The following SORCS2 variants were observed in gnomAD, a reference collection of about 807,000 sequenced individuals.
SORCS2 encodes VPS10 domain-containing receptor SorCS2.
A neutral mutation model predicts 141.6 loss-of-function variants in SORCS2; 100 were observed. That is an observed-to-expected ratio of 0.71 (90% confidence interval 0.60 to 0.83). The LOEUF is 0.83. Ranked by LOEUF, SORCS2 falls within the 40% of genes least tolerant of loss-of-function variation. The probability of loss-of-function intolerance (pLI) is 0.00; values close to 1 mark genes in which losing one functional copy is unlikely to be tolerated. For missense variants in SORCS2, 1,646 were observed against 1,560.2 expected (o/e 1.05, Z -0.93); for synonymous variants, 789 against 676.9 (o/e 1.17, Z -2.57).
rs371719399 is a variant in SORCS2 at position 7,664,364 on chromosome 4, G to A, written c.964G>A (p.Val322Ile). The A allele has an allele frequency of 8.1e-6, 13 of 1,613,458 alleles. No individual in the cohort carries two copies. Among genetic ancestry groups the A allele is most frequent in the Admixed American group, 5.0e-5 (3 of 59,984 alleles). Residue 322 changes from valine to isoleucine, a missense_variant, in exon 7 of 27, where the codon GTC becomes ATC. By Grantham distance (29) the Val-to-Ile change is conservative. Transcript: ENST00000507866. This position sits in a 1 kb window ranked among gnomAD's most constrained non-coding sequence, Gnocchi z 4.7. ...AQDLGGDFRY[V>I]TCAIHNCSEK... is the part of the protein sequence containing the mutation. Reference sequence around the variant, plus strand: ...CCTCTCTCCTGTAGATTTTCGGTACGTCACCTGCGCAATCCACAATTGCTC... The same window carrying A: ...CCTCTCTCCTGTAGATTTTCGGTACATCACCTGCGCAATCCACAATTGCTC...
chr4:7,511,489 G>A lies in SORCS2; in HGVS notation c.549-20041G>A, dbSNP rs79449056. Among the ~76,000 whole-genome samples, 496 of 149,788 alleles carry A rather than the reference G, an allele frequency of 3.3e-3. 5 individuals are homozygous for A. The East Asian group carries it at 0.054, about 16-fold the overall frequency. On this transcript the variant is annotated intron_variant, in intron 2 of 26. Coordinates refer to ENST00000507866, the MANE Select transcript of SORCS2 (RefSeq NM_020777.3). ...ACACACAACTTGGGGGAGGGGGGGT[G>A]GAGAGAGAGACAGAGAAACAGAGAA...
intron 4 of SORCS2, among the ~76,000 whole-genome samples, chr4:7,641,794 ATGGATGGAT>A (rs1291256970): frequency 1.0e-5 from 1 of 95,772 alleles, no homozygotes; most frequent in African/African-American, 3.2e-5. Context: ...GGATGGATGG[ATGGATGGAT>A]GGATGGATGG....
At chr4:7,586,261 G>A (rs1321027273) in intron 3 of SORCS2, among the ~76,000 whole-genome samples, 1 of 152,038 alleles carries the variant, frequency 6.6e-6, no homozygotes, top group Non-Finnish European at 1.5e-5. Context: ...TGTCTGTCTG[G>A]TCCCTGATTC....
chr4:7,462,763 C>T (rs1393162555), intron 2 of SORCS2, among the ~76,000 whole-genome samples: 11 of 151,318 alleles, frequency 7.3e-5, no homozygotes, highest in Admixed American at 5.9e-4. Context: ...CGGAAGAAGC[C>T]GGTGCACACT....
chr4:7,494,139 C>T lies in SORCS2; in HGVS notation c.549-37391C>T, dbSNP rs561757309. Reference sequence around the variant, plus strand: ...TATTTCTATAGCTGAGATCTTATTCCGAATATAGTTCGTATCTTTTGTACA... The same window carrying T: ...TATTTCTATAGCTGAGATCTTATTCTGAATATAGTTCGTATCTTTTGTACA... On this transcript the variant is annotated intron_variant, in intron 2 of 26. Coordinates refer to ENST00000507866, the MANE Select transcript of SORCS2 (RefSeq NM_020777.3). Among the ~76,000 whole-genome samples the T allele has an allele frequency of 1.8e-4, 27 of 152,272 alleles. 1 individual carries two copies. The East Asian group carries it at 4.4e-3, about 25-fold the overall frequency.
At chr4:7,561,920 T>TAACTATCCATCC (rs1299289065) in intron 3 of SORCS2, among the ~76,000 whole-genome samples, 1 of 152,160 alleles carries the variant, frequency 6.6e-6, no homozygotes, top group Non-Finnish European at 1.5e-5. Flanking sequence ...TGCATCCATC[T>TAACTATCCATCC]ACCTATCCAT....
chr4:7,243,830 A>G (rs1329721851), intron 1 of SORCS2, among the ~76,000 whole-genome samples: 2 of 152,224 alleles, frequency 1.3e-5, no homozygotes, highest in Non-Finnish European at 2.9e-5. Flanking sequence ...CCTCTGGGTC[A>G]GCACCTCACC....
intron 8 of SORCS2, among the ~76,000 whole-genome samples, chr4:7,668,533 A>G (rs1231840710): frequency 6.6e-6 from 1 of 152,092 alleles, no homozygotes; most frequent in Non-Finnish European, 1.5e-5. Context: ...GCTTAATGTA[A>G]AGTGCTTGCA....
Position 7,729,483 on chromosome 4 carries a change from A to G in SORCS2, c.2983-104A>G. On this transcript the variant is annotated intron_variant, in intron 22 of 26. Coordinates refer to ENST00000507866, the MANE Select transcript of SORCS2 (RefSeq NM_020777.3). ...AGGGGTCAGGAACGGCCTGTGAGAC[A>G]GGTGTACAGGCCAAGAAGGGAGAGA... 7 of 1,403,080 alleles carry G rather than the reference A, an allele frequency of 5.0e-6. No individual in the cohort carries two copies. The South Asian group carries it at 8.3e-5, about 17-fold the overall frequency. The allele number at this position is 1,403,080 out of a possible 1,614,324, so 86.9% of individuals were successfully genotyped here. A position where few individuals can be genotyped will look rare whatever the true frequency, so the allele number is the denominator to read the frequency against.
chr4:7,320,477 G>C lies in SORCS2; in HGVS notation c.481-75811G>C, dbSNP rs116181049. 4.4e-3 allele frequency among the ~76,000 whole-genome samples: 663 copies of C among 152,348 alleles called. 4 individuals carry two copies. The highest frequency in any genetic ancestry group is 0.015 in the African/African-American group (629 of 41,588). ...ACCTGGAGAGTGATATTACCTGCTGGGAAGATTCACATTTGACATTTTACT... is the reference window on the plus strand; with the variant it reads ...ACCTGGAGAGTGATATTACCTGCTGCGAAGATTCACATTTGACATTTTACT... On this transcript the variant is annotated intron_variant, in intron 1 of 26. Transcript: ENST00000507866.
intron 1 of SORCS2, among the ~76,000 whole-genome samples, chr4:7,389,832 G>A (rs1019907910): frequency 2.0e-5 from 3 of 152,206 alleles, no homozygotes; most frequent in South Asian, 2.1e-4. Context: ...TGCAGTCCGC[G>A]GTAGTGAGAG....
intron 1 of SORCS2, among the ~76,000 whole-genome samples, chr4:7,392,517 A>C (rs1322928418): frequency 6.6e-6 from 1 of 152,064 alleles, no homozygotes; most frequent in Admixed American, 6.5e-5. Context: ...TGCTGGGCTC[A>C]CGGGGGTTTA....
At chr4:7,464,760 G>A (rs2109331901) in intron 2 of SORCS2, among the ~76,000 whole-genome samples, 1 of 152,370 alleles carries the variant, frequency 6.6e-6, no homozygotes, top group South Asian at 2.1e-4. Flanking sequence ...CCATAGTCCA[G>A]ACTTTCTGAA....
intron 3 of SORCS2, among the ~76,000 whole-genome samples, chr4:7,617,267 A>C (rs1278877517): frequency 6.6e-6 from 1 of 151,158 alleles, no homozygotes; most frequent in African/African-American, 2.4e-5. Context: ...ACACACACCC[A>C]CTCACCCCAT....
At chr4:7,395,264 C>A (rs1455975960) in intron 1 of SORCS2, among the ~76,000 whole-genome samples, 1 of 152,200 alleles carries the variant, frequency 6.6e-6, no homozygotes, top group Admixed American at 6.5e-5. Flanking sequence ...TAGGACCGAG[C>A]GCAGGGAGCT....
intron 1 of SORCS2, among the ~76,000 whole-genome samples, chr4:7,236,838 C>T (rs1712315460): frequency 6.6e-6 from 1 of 152,212 alleles, no homozygotes; most frequent in Non-Finnish European, 1.5e-5. Flanking sequence ...ACTTCGGCCT[C>T]CCAAAGTGCT....
chr4:7,246,385 G>A (rs974284689), intron 1 of SORCS2, among the ~76,000 whole-genome samples: 5 of 150,754 alleles, frequency 3.3e-5, no homozygotes, highest in African/African-American at 1.2e-4. Flanking sequence ...AAATGAACCC[G>A]CAGATCTCAC....
chr4:7,238,844 A>C (rs1712480761), intron 1 of SORCS2, among the ~76,000 whole-genome samples: 1 of 152,078 alleles, frequency 6.6e-6, no homozygotes, highest in African/African-American at 2.4e-5. Context: ...TGGGCCAGTG[A>C]GCCCTCTGAG....
At chr4:7,640,147 G>C (rs1560448002) in intron 4 of SORCS2, among the ~76,000 whole-genome samples, 1 of 151,534 alleles carries the variant, frequency 6.6e-6, no homozygotes. Flanking sequence ...GTACATGAGT[G>C]TGTGGTGTGT....
Sources: gnomAD v4.1 joint callset for allele counts (sites outside exome capture counted in the v4.1 genomes callset) on GRCh38, gnomAD v4.1.1 for gene constraint, Gnocchi (gnomAD v3.1) non-coding constraint, MANE v1.5 for transcripts, NCBI Gene and HGNC (gene_info 2026-07-23, HGNC 2026-07-21) for gene names.